The following SLC38A9 variants were observed in gnomAD, a reference collection of about 807,000 sequenced individuals.
SLC38A9 encodes the protein solute carrier family 38 member 9.
SLC38A9 carries 48 observed loss-of-function variants against 62.3 expected under a neutral mutation model. That is an observed-to-expected ratio of 0.77 (90% confidence interval 0.61 to 0.98). The LOEUF is 0.98. SLC38A9 is among the 50% of genes least tolerant of loss of function. SLC38A9 has a pLI of 0.00. For missense variants in SLC38A9, 541 were observed against 679.8 expected (o/e 0.80, Z 2.27); for synonymous variants, 204 against 227.7 (o/e 0.90, Z 0.94).
At chr5:55,642,746 G>C (rs548608073) in intron 12 of SLC38A9, among the ~76,000 whole-genome samples, 25 of 152,184 alleles carry the variant, frequency 1.6e-4, no homozygotes, top group Non-Finnish European at 2.5e-4. Flanking sequence ...AATGGAATTT[G>C]AGATCAGTTC....
chr5:55,707,643 G>A lies in SLC38A9; in HGVS notation c.-35+3809C>T, dbSNP rs117095601. On this transcript the variant is annotated intron_variant, in intron 2 of 15. Coordinates refer to ENST00000396865, the MANE Select transcript of SLC38A9 (RefSeq NM_173514.4). ...CTCAATCTCTGAGTTTTAAAACAAAGTCCCAGATGCAAGACCACTAAGTCA... is the reference window on the plus strand; with the variant it reads ...CTCAATCTCTGAGTTTTAAAACAAAATCCCAGATGCAAGACCACTAAGTCA... 6.9e-4 allele frequency among the ~76,000 whole-genome samples: 105 copies of A among 152,256 alleles called. No homozygotes were observed. In the East Asian group the frequency reaches 0.019, roughly 28 times the overall value.
intron 14 of SLC38A9, among the ~76,000 whole-genome samples, chr5:55,630,615 T>C (rs1743273885): frequency 6.6e-6 from 1 of 152,114 alleles, no homozygotes; most frequent in Non-Finnish European, 1.5e-5. Context: ...CACGAACGGC[T>C]AAATTAAAAA....
chr5:55,679,766 G>C (rs958619860), intron 3 of SLC38A9, among the ~76,000 whole-genome samples: 1 of 152,134 alleles, frequency 6.6e-6, no homozygotes, highest in Non-Finnish European at 1.5e-5. Context: ...TATCTAGAAA[G>C]AGCAGTTCCA....
At chr5:55,706,605 T>G (rs1757324503) in intron 2 of SLC38A9, among the ~76,000 whole-genome samples, 1 of 152,224 alleles carries the variant, frequency 6.6e-6, no homozygotes, top group African/African-American at 2.4e-5. Context: ...TAGCTATTTA[T>G]TCTAAATAAG....
At chr5:55,635,375 C>T in intron 13 of SLC38A9, 169 bp downstream of exon 13, 2 of 654,582 alleles carry the variant, frequency 3.1e-6, no homozygotes, top group Non-Finnish European at 5.5e-6. Flanking sequence ...AAAAATAAAG[C>T]TCAGAAAGAA....
At chr5:55,643,680 T>C (rs948244670) in intron 12 of SLC38A9, among the ~76,000 whole-genome samples, 3 of 152,338 alleles carry the variant, frequency 2.0e-5, no homozygotes, top group Admixed American at 6.5e-5. Flanking sequence ...AGTTTTGCAA[T>C]TGTTAATTCA....
At chr5:55,668,949 A>T (rs1228836755) in intron 7 of SLC38A9, among the ~76,000 whole-genome samples, 1 of 152,228 alleles carries the variant, frequency 6.6e-6, no homozygotes, top group Non-Finnish European at 1.5e-5. Context: ...TGGCAAAGAC[A>T]TTATTTTATA....
intron 13 of SLC38A9, 115 bp downstream of exon 13, chr5:55,635,429 G>C (rs758495394): frequency 3.2e-4 from 240 of 756,056 alleles, no homozygotes; most frequent in Admixed American, 1.1e-3. Flanking sequence ...AGATAGCAGA[G>C]ATGGTATTAA....
Position 55,659,456 on chromosome 5 carries a change from T to A in SLC38A9, c.698-2682A>T, listed in dbSNP as rs530506837. Among the ~76,000 whole-genome samples, 41 of 149,872 alleles carry A rather than the reference T, an allele frequency of 2.7e-4. 1 individual carries two copies. The highest frequency in any genetic ancestry group is 9.5e-4 in the African/African-American group (39 of 40,918). ...AGGCTTGAGTGCAGTGGCACGATCT[T>A]GGCTCACTGCAACCTCCACCTCCTG... On this transcript the variant is annotated intron_variant, in intron 8 of 15. Coordinates refer to ENST00000396865, the MANE Select transcript of SLC38A9 (RefSeq NM_173514.4).
intron 3 of SLC38A9, among the ~76,000 whole-genome samples, chr5:55,692,223 G>T (rs1292416332): frequency 6.6e-6 from 1 of 152,108 alleles, no homozygotes. Context: ...TACAAAGCTG[G>T]GTTGAGGCTA....
At chr5:55,652,745 T>C (rs948165764) in intron 9 of SLC38A9, 22 bp from the exon 10 acceptor site, 5 of 1,572,904 alleles carry the variant, frequency 3.2e-6, no homozygotes, top group Non-Finnish European at 3.4e-6. Context: ...AAGCACCAGA[T>C]TAAAGAAGAT....
intron 3 of SLC38A9, among the ~76,000 whole-genome samples, chr5:55,678,427 G>A (rs537060958): frequency 5.9e-5 from 9 of 152,154 alleles, no homozygotes; most frequent in Admixed American, 5.2e-4. Flanking sequence ...ATGAGCCACT[G>A]TGCCCAGCCA....
intron 11 of SLC38A9, among the ~76,000 whole-genome samples, chr5:55,647,718 G>A (rs1746641444): frequency 6.6e-6 from 1 of 152,010 alleles, no homozygotes; most frequent in African/African-American, 2.4e-5. Flanking sequence ...TATTACAGTG[G>A]GTAAATAGTC....
intron 3 of SLC38A9, among the ~76,000 whole-genome samples, chr5:55,688,937 GAGAAGTAAAACTAGA>G (rs1448260193): frequency 6.6e-6 from 1 of 152,086 alleles, no homozygotes; most frequent in African/African-American, 2.4e-5. Context: ...GACAATTTAA[GAGAAGTAAAACTAGA>G]AGCCATTCTG....
intron 3 of SLC38A9, among the ~76,000 whole-genome samples, chr5:55,678,654 T>TG (rs1561397815): frequency 3.0e-5 from 4 of 133,188 alleles, no homozygotes; most frequent in South Asian, 2.7e-4. Flanking sequence ...ACTTTTTTTT[T>TG]TTTTTTTTTT....
At chr5:55,691,085 A>G (rs1754668341) in intron 3 of SLC38A9, 1 of 679,236 alleles carries the variant, frequency 1.5e-6, no homozygotes, top group Admixed American at 2.1e-5. Context: ...GGTTGTTTGA[A>G]GGGCAGTAGG....
At chr5:55,662,110 A>G (rs899302985) in intron 8 of SLC38A9, among the ~76,000 whole-genome samples, 1 of 152,244 alleles carries the variant, frequency 6.6e-6, no homozygotes, top group Non-Finnish European at 1.5e-5. Context: ...GAAAATGTGA[A>G]TATCTTAAAT....
In SLC38A9 at chr5:55,650,805, G is replaced by C. The variant is rs116099384; in HGVS notation, c.953-1491C>G. On this transcript the variant is annotated intron_variant, in intron 10 of 15. Coordinates refer to ENST00000396865, the MANE Select transcript of SLC38A9 (RefSeq NM_173514.4). Reference sequence around the variant, plus strand: ...TGCTGGGTTATTTATTTATTTATTTGTTGAGACAGAGTTTTCGCTCTTGTT... The same window carrying C: ...TGCTGGGTTATTTATTTATTTATTTCTTGAGACAGAGTTTTCGCTCTTGTT... Among the ~76,000 whole-genome samples, 951 of 152,120 alleles carry C rather than the reference G, an allele frequency of 6.3e-3. 9 individuals are homozygous for C. Among genetic ancestry groups the C allele is most frequent in the African/African-American group, 0.022 (922 of 41,518 alleles).
intron 12 of SLC38A9, 37 bp from the exon 13 acceptor site, chr5:55,635,694 A>C: frequency 2.2e-6 from 3 of 1,389,572 alleles, no homozygotes; most frequent in Non-Finnish European, 3.1e-6. Flanking sequence ...AATACTGAAG[A>C]ACCTTGTAGT....
Sources: allele counts gnomAD v4.1 joint callset (sites outside exome capture counted in the v4.1 genomes callset), GRCh38; gene constraint gnomAD v4.1.1; transcripts MANE v1.5; gene names NCBI Gene and HGNC (gene_info 2026-07-23, HGNC 2026-07-21).